The following RFX3 variants were observed in gnomAD, a reference collection of about 807,000 sequenced individuals.
RFX3 encodes the protein regulatory factor X3.
Under a neutral mutation model 98.6 loss-of-function variants are expected in RFX3, and 14 were observed. The ratio of observed to expected loss-of-function variants is 0.14; its 90% CI spans 0.09 to 0.22. The LOEUF (loss-of-function observed/expected upper bound fraction) is 0.22, where lower values mean the gene tolerates loss of function less well. Ranked by LOEUF, RFX3 falls within the 10% of genes least tolerant of loss-of-function variation. The pLI is 1.00. For missense variants in RFX3, 639 were observed against 926.9 expected, an observed-to-expected ratio of 0.69 and a Z score of 4.03; for synonymous variants, 383 against 328.4, an observed-to-expected ratio of 1.17 and a Z score of -1.80.
chr9:3,401,018 G>A, intron 1 of RFX3, among the ~76,000 whole-genome samples: 1 of 152,198 alleles, frequency 6.6e-6, no homozygotes. Flanking sequence ...GCTAGAGACT[G>A]TTGGTCTAGA....
chr9:3,282,396 G>A (rs1826024790), intron 7 of RFX3, among the ~76,000 whole-genome samples: 2 of 151,656 alleles, frequency 1.3e-5, no homozygotes, highest in South Asian at 2.1e-4. Context: ...CTCTTCATTA[G>A]CTTTACATCT....
rs78487385 is a variant in RFX3, at chr9:3,362,872, G to T, written c.118-16108C>A. ...AGTAAAGCAGGTTTCAAAGGCGAGAGGGGGAGTGTGTCTGGGAGCAGGAAT... is the reference window on the plus strand; with the variant it reads ...AGTAAAGCAGGTTTCAAAGGCGAGATGGGGAGTGTGTCTGGGAGCAGGAAT... On this transcript the variant is annotated intron_variant, in intron 2 of 16. Coordinates refer to ENST00000617270, the MANE Select transcript of RFX3 (RefSeq NM_001282116.2). Among the ~76,000 whole-genome samples, 444 of 152,298 alleles carry T rather than the reference G, an allele frequency of 2.9e-3. 6 individuals carry two copies. The East Asian group carries it at 0.056, about 19-fold the overall frequency.
chr9:3,498,833 A>G (rs146312766), intron 1 of RFX3, among the ~76,000 whole-genome samples: 112 of 152,160 alleles, frequency 7.4e-4, no homozygotes, highest in Non-Finnish European at 9.3e-4. Context: ...TAGAAATTCA[A>G]TCTATTACGG....
chr9:3,499,903 T>C (rs1815791909), intron 1 of RFX3, among the ~76,000 whole-genome samples: 1 of 152,102 alleles, frequency 6.6e-6, no homozygotes, highest in South Asian at 2.1e-4. Context: ...CTTGGAACCA[T>C]TTAGCCCTTC....
At chr9:3,354,851 G>T (rs1374984665) in intron 2 of RFX3, among the ~76,000 whole-genome samples, 2 of 151,658 alleles carry the variant, frequency 1.3e-5, no homozygotes, top group East Asian at 3.9e-4. Context: ...AAAAGTTATA[G>T]GGATTTTTTG....
intron 1 of RFX3, chr9:3,524,514 A>C (rs1819019047): frequency 1.0e-6 from 1 of 983,052 alleles, no homozygotes; most frequent in African/African-American, 1.7e-5. Context: ...ATTCTTTATG[A>C]ACTTGACTTG....
At chr9:3,483,980 G>T (rs1268019022) in intron 1 of RFX3, among the ~76,000 whole-genome samples, 1 of 151,956 alleles carries the variant, frequency 6.6e-6, no homozygotes, top group African/African-American at 2.4e-5. Flanking sequence ...AAAATTTTTT[G>T]AATTTTGTGA....
intron 14 of RFX3, among the ~76,000 whole-genome samples, chr9:3,252,131 T>C (rs1320047283): frequency 6.6e-6 from 1 of 152,164 alleles, no homozygotes; most frequent in African/African-American, 2.4e-5. Flanking sequence ...AACCCTGAAA[T>C]CATGTGAACA....
chr9:3,278,183 T>C (rs1205827452), intron 7 of RFX3, among the ~76,000 whole-genome samples: 1 of 151,774 alleles, frequency 6.6e-6, no homozygotes, highest in African/African-American at 2.4e-5. Flanking sequence ...TTCAGTGGCA[T>C]GGGGAAGAAG....
At chr9:3,377,572 G>T (rs1346000809) in intron 2 of RFX3, among the ~76,000 whole-genome samples, 1 of 152,036 alleles carries the variant, frequency 6.6e-6, no homozygotes, top group African/African-American at 2.4e-5. Flanking sequence ...ATGTACCCTA[G>T]AACTTAAAGT....
intron 1 of RFX3, among the ~76,000 whole-genome samples, chr9:3,423,795 A>ATATATG (rs1843677343): frequency 7.5e-6 from 1 of 132,946 alleles, no homozygotes; most frequent in Non-Finnish European, 1.5e-5. Context: ...ATATATATAT[A>ATATATG]TATATATATA....
At chr9:3,516,061 T>G (rs1001288690) in intron 1 of RFX3, among the ~76,000 whole-genome samples, 6 of 152,150 alleles carry the variant, frequency 3.9e-5, no homozygotes, top group African/African-American at 1.4e-4. Context: ...AAAAATTTTT[T>G]TTTTTGAGAT....
At chr9:3,369,790 C>T (rs368698222) in intron 2 of RFX3, among the ~76,000 whole-genome samples, 3 of 152,018 alleles carry the variant, frequency 2.0e-5, no homozygotes, top group African/African-American at 7.2e-5. Context: ...CAATTAATGA[C>T]GAATTAGATT....
intron 6 of RFX3, among the ~76,000 whole-genome samples, chr9:3,290,037 TAGAA>T (rs1181562273): frequency 6.6e-6 from 1 of 152,146 alleles, no homozygotes; most frequent in African/African-American, 2.4e-5. Flanking sequence ...GTTTCTATGG[TAGAA>T]AGAATGTCTA....
At chr9:3,247,326 T>C (rs1820813671) in intron 15 of RFX3, 9 of 987,076 alleles carry the variant, frequency 9.1e-6, no homozygotes, top group Non-Finnish European at 1.1e-5. Context: ...GAAGAGAATT[T>C]TCCCCCTTAC....
At chr9:3,236,125 T>C (rs977533497) in intron 15 of RFX3, among the ~76,000 whole-genome samples, 25 of 152,212 alleles carry the variant, frequency 1.6e-4, no homozygotes, top group Admixed American at 1.2e-3. Flanking sequence ...CAGTGGTATA[T>C]AGGAATCAAT....
intron 14 of RFX3, among the ~76,000 whole-genome samples, chr9:3,255,566 G>C (rs1279014245): frequency 6.6e-6 from 1 of 152,158 alleles, no homozygotes; most frequent in Non-Finnish European, 1.5e-5. Context: ...TTTATCTAAA[G>C]AAGCTAAAAA....
chr9:3,500,735 C>G (rs1435654583), intron 1 of RFX3, among the ~76,000 whole-genome samples: 1 of 152,106 alleles, frequency 6.6e-6, no homozygotes, highest in East Asian at 1.9e-4. Flanking sequence ...TACACACACA[C>G]TAGTCAATAA....
At chr9:3,351,235 G>A (rs1835074374) in intron 2 of RFX3, among the ~76,000 whole-genome samples, 1 of 151,566 alleles carries the variant, frequency 6.6e-6, no homozygotes, top group African/African-American at 2.4e-5. Flanking sequence ...TCTTAATTTT[G>A]CAGTAATACT....
Sources: allele counts gnomAD v4.1 joint callset (sites outside exome capture counted in the v4.1 genomes callset), GRCh38; gene constraint gnomAD v4.1.1; transcripts MANE v1.5; gene names NCBI Gene and HGNC (gene_info 2026-07-23, HGNC 2026-07-21).